UST: variants seen among roughly 807,000 people sequenced by gnomAD.
UST encodes chondroitin sulfate 2-O-sulfotransferase.
Under a neutral mutation model 45.6 loss-of-function variants are expected in UST, and 21 were observed. The observed-to-expected ratio is 0.46, with a 90% confidence interval of 0.33 to 0.66. UST has a LOEUF of 0.66. Ranked by LOEUF, UST falls within the 30% of genes least tolerant of loss-of-function variation. UST has a pLI of 0.02. For synonymous variants in UST, 215 were observed against 200.6 expected, an observed-to-expected ratio of 1.07 and a Z score of -0.61; for missense variants, 463 against 512.4, an observed-to-expected ratio of 0.90 and a Z score of 0.93.
chr6:148,940,904 C>A (rs1780113469), intron 2 of UST, among the ~76,000 whole-genome samples: 1 of 152,208 alleles, frequency 6.6e-6, no homozygotes, highest in African/African-American at 2.4e-5. Context: ...GAATTCCACT[C>A]CACTTCTTGA....
At chr6:149,063,456 T>C (rs940221540) in intron 7 of UST, among the ~76,000 whole-genome samples, 8 of 152,192 alleles carry the variant, frequency 5.3e-5, no homozygotes, top group Admixed American at 2.6e-4. Context: ...TATTGATGAA[T>C]TAAAGTAGAG....
At chr6:148,943,737 T>A (rs191044662) in intron 3 of UST, among the ~76,000 whole-genome samples, 12 of 152,132 alleles carry the variant, frequency 7.9e-5, no homozygotes, top group Non-Finnish European at 1.5e-5. Flanking sequence ...AGTTGAAACA[T>A]TTCTGATTCC....
At chr6:148,982,490 A>G (rs1220933004) in intron 5 of UST, among the ~76,000 whole-genome samples, 1 of 152,148 alleles carries the variant, frequency 6.6e-6, no homozygotes, top group Non-Finnish European at 1.5e-5. Flanking sequence ...TCCTAATACT[A>G]TGACATTGGC....
At chr6:148,837,453 G>A (rs1235525089) in intron 1 of UST, among the ~76,000 whole-genome samples, 1 of 152,332 alleles carries the variant, frequency 6.6e-6, no homozygotes, top group East Asian at 1.9e-4. Flanking sequence ...AAGGAGATGG[G>A]AGAGATGTCA....
In UST at chr6:148,964,568, G is replaced by A. The variant is rs865838591; in HGVS notation, c.681+5G>A. The stretch of plus-strand genomic sequence containing the variant: ...AGGCAGGAGGAGCGCTACCTGGTAA[G>A]TCCTGTCGCATGCAAAAGGCGGTCT... On this transcript the variant is annotated splice_donor_5th_base_variant and intron_variant, in intron 5 of 7. Coordinates refer to ENST00000367463, the MANE Select transcript of UST (RefSeq NM_005715.3). The A allele has an allele frequency of 6.8e-6, 11 of 1,612,982 alleles. No individual in the cohort carries two copies. The highest frequency in any genetic ancestry group is 9.3e-6 in the Non-Finnish European group (11 of 1,179,914).
At chr6:149,041,729 T>G (rs1011745389) in intron 7 of UST, among the ~76,000 whole-genome samples, 5 of 152,364 alleles carry the variant, frequency 3.3e-5, no homozygotes, top group African/African-American at 1.2e-4. Context: ...CTACTCCATC[T>G]TCCTGGACAG....
At chr6:148,874,277 A>G (rs1778609679) in intron 1 of UST, among the ~76,000 whole-genome samples, 1 of 152,258 alleles carries the variant, frequency 6.6e-6, no homozygotes, top group Admixed American at 6.5e-5. Flanking sequence ...TGCACTGATC[A>G]TTTGATTCCG....
chr6:148,863,660 T>C (rs963530264), intron 1 of UST, among the ~76,000 whole-genome samples: 1 of 152,204 alleles, frequency 6.6e-6, no homozygotes, highest in Non-Finnish European at 1.5e-5. Flanking sequence ...TCTTTGATGA[T>C]GGTGACATAC....
chr6:149,013,766 A>G (rs891117235), intron 5 of UST, among the ~76,000 whole-genome samples: 12 of 152,224 alleles, frequency 7.9e-5, no homozygotes, highest in African/African-American at 2.9e-4. Context: ...GAAAGCAGCC[A>G]GAAATCCTGT....
chr6:148,849,003 C>T (rs367899800), intron 1 of UST, among the ~76,000 whole-genome samples: 8 of 152,026 alleles, frequency 5.3e-5, no homozygotes, highest in Non-Finnish European at 8.8e-5. Context: ...CTGGAGTCCT[C>T]GTGTCCAAGG....
chr6:149,046,693 T>C (rs923394565), intron 7 of UST, among the ~76,000 whole-genome samples: 3 of 152,248 alleles, frequency 2.0e-5, no homozygotes, highest in Non-Finnish European at 2.9e-5. Context: ...CGTGCACCGA[T>C]GTACAGTTTC....
At chr6:148,907,901 GCTTTTTTTTTTTT>G (rs1298933133) in intron 2 of UST, among the ~76,000 whole-genome samples, 10 of 117,376 alleles carry the variant, frequency 8.5e-5, no homozygotes, top group Admixed American at 5.4e-4. Flanking sequence ...TGTTTCCAGG[GCTTTTTTTTTTTT>G]TTTTTTTTTT....
In UST at chr6:148,790,774, C is replaced by A. The variant is rs1042671182; in HGVS notation, c.247+43097C>A. On this transcript the variant is annotated intron_variant, in intron 1 of 7. Transcript: ENST00000367463. This position sits in a 1 kb window ranked among gnomAD's most constrained non-coding sequence, Gnocchi z 4.2. The stretch of plus-strand genomic sequence containing the variant: ...TGATGTGGGGATACAAAGGTCTGAT[C>A]CCCTTGCGTCAATCTGGGACAACTC... 6.6e-6 allele frequency among the ~76,000 whole-genome samples: 1 copy of A among 152,196 alleles called. No individual in the cohort carries two copies. Among genetic ancestry groups the A allele is most frequent in the African/African-American group, 2.4e-5 (1 of 41,454 alleles).
At chr6:148,983,115 C>T (rs1213351845) in intron 5 of UST, among the ~76,000 whole-genome samples, 2 of 152,222 alleles carry the variant, frequency 1.3e-5, no homozygotes, top group African/African-American at 2.4e-5. Flanking sequence ...CATCAGTTAA[C>T]ACCAAGTTTT....
chr6:148,920,569 C>T (rs902135338), intron 2 of UST, among the ~76,000 whole-genome samples: 2 of 152,316 alleles, frequency 1.3e-5, no homozygotes, highest in African/African-American at 4.8e-5. Flanking sequence ...TGCTCTGTCA[C>T]TCAGGCTGGA....
chr6:148,802,769 C>T (rs1249357038), intron 1 of UST, among the ~76,000 whole-genome samples: 1 of 152,126 alleles, frequency 6.6e-6, no homozygotes, highest in African/African-American at 2.4e-5. Context: ...GTAAACATAT[C>T]CCTTCACCCA....
chr6:148,759,201 T>A (rs1776155453), intron 1 of UST, among the ~76,000 whole-genome samples: 1 of 152,118 alleles, frequency 6.6e-6, no homozygotes. Flanking sequence ...TACATCTCAG[T>A]GGCCAGGAGA....
In UST at chr6:148,754,955, A is replaced by G. The variant is rs532158403; in HGVS notation, c.247+7278A>G. Among the ~76,000 whole-genome samples the G allele has an allele frequency of 3.3e-5, 5 of 152,342 alleles. 1 individual carries two copies. In the South Asian group the frequency reaches 1.0e-3, roughly 32 times the overall value. On this transcript the variant is annotated intron_variant, in intron 1 of 7. Transcript: ENST00000367463. ...TTACTTTGAATATTAAACACTTTACATTTATCTCTAAGGTATGATAATTCA... is the reference window on the plus strand; with the variant it reads ...TTACTTTGAATATTAAACACTTTACGTTTATCTCTAAGGTATGATAATTCA...
Position 148,964,638 on chromosome 6 carries a change from C to T in UST, c.681+75C>T, listed in dbSNP as rs892277393. ...GGCCCTCCACCAGGGAAGGTTCACT[C>T]TTCCCTTCCCAGGCCTTCTCCTTGG... On this transcript the variant is annotated intron_variant, in intron 5 of 7. Coordinates refer to ENST00000367463, the MANE Select transcript of UST (RefSeq NM_005715.3). 3.8e-6 allele frequency: 6 copies of T among 1,570,792 alleles called. No homozygotes were observed. The African/African-American group carries it at 8.1e-5, about 21-fold the overall frequency.
Sources: gnomAD v4.1 joint callset for allele counts (sites outside exome capture counted in the v4.1 genomes callset) on GRCh38, gnomAD v4.1.1 for gene constraint, Gnocchi (gnomAD v3.1) non-coding constraint, MANE v1.5 for transcripts, NCBI Gene and HGNC (gene_info 2026-07-23, HGNC 2026-07-21) for gene names.